Variants in GATB observed in about 807,000 individuals in gnomAD.
GATB encodes glutamyl-tRNA amidotransferase subunit B.
A neutral mutation model predicts 62.3 loss-of-function variants in GATB; 39 were observed. The observed-to-expected ratio is 0.63, with a 90% confidence interval of 0.48 to 0.82. The LOEUF is 0.82. Ranked by LOEUF, GATB falls within the 40% of genes least tolerant of loss-of-function variation. The pLI is 0.00. For missense variants in GATB, 670 were observed against 684.0 expected (o/e 0.98, Z 0.23); for synonymous variants, 276 against 258.9 (o/e 1.07, Z -0.63).
chr4:151,756,367 T>C (rs765922840), intron 2 of GATB, among the ~76,000 whole-genome samples: 1 of 152,166 alleles, frequency 6.6e-6, no homozygotes, highest in Non-Finnish European at 1.5e-5. Context: ...TGTCTAAAGG[T>C]TTTAGTGTAT....
rs149796717 is a variant in GATB at position 151,701,366 on chromosome 4, T to A, written c.1160A>T (p.Gln387Leu). The change falls in exon 9 of 13, where the codon CAG (glutamine) becomes CTG (leucine). Residue 387 changes from glutamine to leucine, a missense_variant. Physicochemically the swap from Gln to Leu is moderately radical, Grantham distance 113 (BLOSUM62 -2). Coordinates refer to ENST00000263985, the MANE Select transcript of GATB (RefSeq NM_004564.3). ...GCTGTGTTCCAGCAGCATCCCATAC[T>A]GTTGGACAAGCTTCTCTCGGGTCAC... is the stretch of plus-strand genomic sequence containing the variant. ...PSVTREKLVQ[Q>L]YGMLLEHSFT... The A allele has an allele frequency of 2.6e-5, 42 of 1,589,196 alleles. No individual in the cohort carries two copies. The African/African-American group carries it at 5.1e-4, about 19-fold the overall frequency.
intron 8 of GATB, among the ~76,000 whole-genome samples, chr4:151,702,431 C>A (rs1346799032): frequency 2.0e-5 from 3 of 152,124 alleles, no homozygotes; most frequent in Non-Finnish European, 4.4e-5. Flanking sequence ...GGATGCATGT[C>A]ATTGTGCATA....
intron 2 of GATB, among the ~76,000 whole-genome samples, chr4:151,733,458 G>A (rs1040905245): frequency 3.9e-5 from 6 of 152,226 alleles, no homozygotes; most frequent in Non-Finnish European, 7.4e-5. Flanking sequence ...AACAAGCAGC[G>A]AGATTAAAAC....
chr4:151,722,352 T>G (rs903066068), intron 2 of GATB: 3 of 620,146 alleles, frequency 4.8e-6, no homozygotes, highest in Non-Finnish European at 8.6e-6. Flanking sequence ...CTTTTCAAGT[T>G]TGTCTTTCAT....
At chr4:151,747,928 A>G (rs1225531100) in intron 2 of GATB, among the ~76,000 whole-genome samples, 1 of 152,200 alleles carries the variant, frequency 6.6e-6, no homozygotes, top group Admixed American at 6.5e-5. Flanking sequence ...GTAAGAAGCA[A>G]TATCTGCTAC....
chr4:151,731,240 G>A (rs1435234684), intron 2 of GATB, among the ~76,000 whole-genome samples: 1 of 152,076 alleles, frequency 6.6e-6, no homozygotes, highest in Non-Finnish European at 1.5e-5. Flanking sequence ...TCAGCCTGCC[G>A]AGTGCCTGCC....
chr4:151,705,116 C>G, intron 7 of GATB, 69 bp downstream of exon 7: 3 of 1,027,848 alleles, frequency 2.9e-6, no homozygotes, highest in Non-Finnish European at 4.5e-6. Context: ...CATGGCTGGT[C>G]AGTGGCTGAG....
chr4:151,749,169 C>T (rs1170097395), intron 2 of GATB, among the ~76,000 whole-genome samples: 1 of 152,116 alleles, frequency 6.6e-6, no homozygotes, highest in Non-Finnish European at 1.5e-5. Context: ...GGTATATACC[C>T]AAAGGATTAT....
intron 10 of GATB, among the ~76,000 whole-genome samples, chr4:151,682,222 A>G (rs560738123): frequency 1.1e-4 from 17 of 152,128 alleles, no homozygotes; most frequent in Non-Finnish European, 2.5e-4. Flanking sequence ...GTCACACAGT[A>G]GGTCATCATA....
chr4:151,680,408 C>G (rs1163803041), intron 10 of GATB, among the ~76,000 whole-genome samples: 1 of 151,962 alleles, frequency 6.6e-6, no homozygotes, highest in Non-Finnish European at 1.5e-5. Context: ...CATCCATCCT[C>G]AGGAACCTGA....
At chr4:151,683,993 G>A (rs972065890) in intron 10 of GATB, among the ~76,000 whole-genome samples, 4 of 152,070 alleles carry the variant, frequency 2.6e-5, no homozygotes, top group South Asian at 4.2e-4. Flanking sequence ...CATGAAATAC[G>A]GCCATCCTGC....
chr4:151,716,067 A>G lies in GATB; in HGVS notation c.705T>C (p.Ala235=). The change falls in exon 5 of 13, where the codon GCT becomes GCC. Residue 235 remains alanine (A), a synonymous_variant. Coordinates refer to ENST00000263985, the MANE Select transcript of GATB (RefSeq NM_004564.3). ...DMSCGEEAAT[A]VRELQLILQA... is the part of the protein sequence containing the mutation. The stretch of plus-strand genomic sequence containing the variant: ...GAAGGATCAGCTGCAGCTCCCTGAC[A>G]GCTGTTGCCGCCTCTTCTCCACAGG... 3 of 1,614,036 alleles carry G rather than the reference A, an allele frequency of 1.9e-6. No individual in the cohort carries two copies. Among genetic ancestry groups the G allele is most frequent in the Non-Finnish European group, 2.5e-6 (3 of 1,179,970 alleles).
At chr4:151,689,762 T>C in intron 9 of GATB, among the ~76,000 whole-genome samples, 1 of 152,168 alleles carries the variant, frequency 6.6e-6, no homozygotes, top group East Asian at 1.9e-4. Context: ...ATTCTTATCA[T>C]ACCATGTTCA....
At chr4:151,703,813 C>G in intron 8 of GATB, 38 bp downstream of exon 8, 1 of 1,407,516 alleles carries the variant, frequency 7.1e-7, no homozygotes, top group East Asian at 2.3e-5. Context: ...GCCCCAGCCC[C>G]CGATATATAG....
Position 151,679,800 on chromosome 4 carries a change from A to C in GATB, c.1410+13T>G. ...AGTAGCACAGTCAGAAGCTGTCGGG[A>C]GTGTGGACATACCTGTTTAGCTGCT... On this transcript the variant is annotated intron_variant, in intron 11 of 12. Transcript: ENST00000263985. 6.2e-7 allele frequency: 1 copy of C among 1,609,476 alleles called. No individual in the cohort carries two copies. The highest frequency in any genetic ancestry group is 8.5e-7 in the Non-Finnish European group (1 of 1,175,762).
chr4:151,740,642 C>T (rs1361521378), intron 2 of GATB, among the ~76,000 whole-genome samples: 3 of 152,176 alleles, frequency 2.0e-5, no homozygotes, highest in Non-Finnish European at 2.9e-5. Context: ...TAGCAATCCC[C>T]GCAGCATCAC....
intron 10 of GATB, among the ~76,000 whole-genome samples, chr4:151,682,258 C>A (rs1349733008): frequency 6.6e-6 from 1 of 152,154 alleles, no homozygotes; most frequent in East Asian, 1.9e-4. Flanking sequence ...TCCTCACACC[C>A]ATAGGGATGT....
intron 10 of GATB, among the ~76,000 whole-genome samples, chr4:151,688,283 C>T (rs2126960710): frequency 6.6e-6 from 1 of 152,292 alleles, no homozygotes; most frequent in East Asian, 1.9e-4. Context: ...GCATTCCCAG[C>T]ACCCCGTGCA....
At chr4:151,672,589 C>G in intron 12 of GATB, 173 bp downstream of exon 12, 1 of 617,932 alleles carries the variant, frequency 1.6e-6, no homozygotes, top group Non-Finnish European at 2.7e-6. Flanking sequence ...CCAATATCCA[C>G]CTATTTCATC....
Sources: gnomAD v4.1 joint callset for allele counts (sites outside exome capture counted in the v4.1 genomes callset) on GRCh38, gnomAD v4.1.1 for gene constraint, MANE v1.5 for transcripts, NCBI Gene and HGNC (gene_info 2026-07-23, HGNC 2026-07-21) for gene names.